PPEF1: variants seen among roughly 807,000 people sequenced by gnomAD.
PPEF1 encodes the protein serine/threonine-protein phosphatase with EF-hands 1.
In PPEF1, 12 loss-of-function variants were observed where a neutral mutation model predicts 53.3. The observed-to-expected ratio is 0.23, with a 90% CI of 0.14 to 0.36. The LOEUF is 0.36. PPEF1 is among the 10% of genes least tolerant of loss of function. The pLI, the probability that PPEF1 is intolerant of heterozygous loss-of-function variation, is 1.00. For missense variants in PPEF1, 334 were observed against 490.4 expected (o/e 0.68, Z 3.01); for synonymous variants, 165 against 176.7 (o/e 0.93, Z 0.52).
intron 3 of PPEF1, among the ~76,000 whole-genome samples, chrX:18,736,084 T>C (rs990116420): frequency 2.0e-4 from 22 of 111,480 alleles, no homozygotes; most frequent in African/African-American, 7.2e-4. Context: ...ACAGGGACAA[T>C]TTGACTTCCT....
chrX:18,778,914 C>CT, intron 6 of PPEF1, 96 bp from the exon 7 acceptor site: 2 of 880,860 alleles, frequency 2.3e-6, no homozygotes, highest in Admixed American at 6.4e-5. Context: ...GACTCAGCCT[C>CT]TTTTTTCCAT....
chrX:18,739,318 G>A (rs1569252777), intron 3 of PPEF1, among the ~76,000 whole-genome samples: 2 of 112,320 alleles, frequency 1.8e-5, no homozygotes, highest in African/African-American at 6.5e-5. Flanking sequence ...GTTTTGGTGT[G>A]GATGTCCTTT....
chrX:18,778,094 A>G (rs1186372010), intron 6 of PPEF1, among the ~76,000 whole-genome samples: 1 of 110,885 alleles, frequency 9.0e-6, no homozygotes, highest in Non-Finnish European at 1.9e-5. Context: ...TGAGTAGTTA[A>G]ATTTGTCTCT....
intron 5 of PPEF1, among the ~76,000 whole-genome samples, 199 bp from the exon 6 acceptor site, chrX:18,761,331 A>G (rs2045660158): frequency 8.9e-6 from 1 of 111,780 alleles, no homozygotes; most frequent in Admixed American, 9.5e-5. Flanking sequence ...AAGGTAATTG[A>G]AGCACTAGAT....
Position 18,765,965 on chromosome X carries a change from C to T in PPEF1, c.558+4389C>T, listed in dbSNP as rs149041127. On this transcript the variant is annotated intron_variant, in intron 6 of 15. Coordinates refer to ENST00000470157, the MANE Select transcript of PPEF1 (RefSeq NM_001377996.1). Reference sequence around the variant, plus strand: ...CTGTAGTCCCAGCTACTCAGGAGGCCGAGGCAGGAGAATCGCTTGAACCCG... The same window carrying T: ...CTGTAGTCCCAGCTACTCAGGAGGCTGAGGCAGGAGAATCGCTTGAACCCG... Among the ~76,000 whole-genome samples, 483 of 103,738 alleles carry T rather than the reference C, an allele frequency of 4.7e-3. 4 individuals carry two copies. Among genetic ancestry groups the T allele is most frequent in the African/African-American group, 0.016 (459 of 28,136 alleles). The allele number at this position is 103,738 out of a possible 115,157, so 90.1% of individuals were successfully genotyped here. A position where few individuals can be genotyped will look rare whatever the true frequency, so the allele number is the denominator to read the frequency against.
upstream of PPEF1, among the ~76,000 whole-genome samples, chrX:18,681,569 C>T (rs1028426385): frequency 4.5e-5 from 5 of 111,706 alleles, no homozygotes; most frequent in South Asian, 7.5e-4. Flanking sequence ...TGGACTTGAA[C>T]GTGAGATGAT....
chrX:18,824,485 C>T (rs1206811328), intron 14 of PPEF1, among the ~76,000 whole-genome samples: 1 of 110,911 alleles, frequency 9.0e-6, no homozygotes, highest in East Asian at 2.9e-4. Flanking sequence ...GATGGAGTGG[C>T]AGTCTTAGGA....
At chrX:18,741,324 C>T (rs76677247) in intron 3 of PPEF1, among the ~76,000 whole-genome samples, 2,627 of 112,163 alleles carry the variant, frequency 0.023, 56 homozygotes, top group South Asian at 0.15. Flanking sequence ...GAATCACTTA[C>T]GGAGTTTCAG....
upstream of PPEF1, among the ~76,000 whole-genome samples, chrX:18,675,561 G>A: frequency 8.9e-6 from 1 of 112,869 alleles, no homozygotes; most frequent in East Asian, 2.8e-4. Flanking sequence ...GGGTGCAAAT[G>A]CCAGGGCTTC....
At chrX:18,790,357 A>G in intron 10 of PPEF1, among the ~76,000 whole-genome samples, 1 of 112,096 alleles carries the variant, frequency 8.9e-6, no homozygotes, top group Middle Eastern at 4.7e-3. Context: ...CAAATCCTTT[A>G]TCAGGTATAT....
chrX:18,778,189 A>G (rs888974172), intron 6 of PPEF1, among the ~76,000 whole-genome samples: 2 of 111,656 alleles, frequency 1.8e-5, no homozygotes, highest in African/African-American at 6.5e-5. Flanking sequence ...TCCCTATCAA[A>G]CATGACATCG....
intron 13 of PPEF1, among the ~76,000 whole-genome samples, chrX:18,821,494 G>A (rs1395183603): frequency 3.6e-5 from 4 of 110,707 alleles, no homozygotes; most frequent in African/African-American, 6.6e-5. Context: ...TGCAACCTCC[G>A]CCTACCAGGT....
chrX:18,819,166 A>G (rs1327537318), intron 13 of PPEF1, among the ~76,000 whole-genome samples: 2 of 112,039 alleles, frequency 1.8e-5, no homozygotes, highest in Non-Finnish European at 3.8e-5. Flanking sequence ...ACAAACTACC[A>G]TGAGTGAGAG....
chrX:18,749,940 C>T lies in PPEF1; in HGVS notation c.384C>T (p.Phe128=), dbSNP rs1358177822. 1 of 1,202,067 alleles carries T rather than the reference C, an allele frequency of 8.3e-7. No homozygotes were observed. Among genetic ancestry groups the T allele is most frequent in the Admixed American group, 2.2e-5 (1 of 45,870 alleles). The part of the protein sequence containing the change: ...CTDIDLLLEA[F]KEQQILHAHY... ...ATATTGATTTACTTCTTGAGGCCTT[C>T]AAGGAACAACAGGTAAGTGGAAGCA... Residue 128 remains phenylalanine (F), a synonymous_variant, in exon 4 of 16, where the codon TTC becomes TTT. Coordinates refer to ENST00000470157, the MANE Select transcript of PPEF1 (RefSeq NM_001377996.1).
In PPEF1 at chrX:18,827,485, T is replaced by TAAAC. The variant is rs745683338; in HGVS notation, c.1962_*3dup. The TAAAC allele has an allele frequency of 3.3e-6, 4 of 1,202,683 alleles. No individual in the cohort carries two copies. In the South Asian group the frequency reaches 5.3e-5, roughly 16 times the overall value. On this transcript the variant is annotated frameshift_variant and stop_retained_variant, in exon 16 of 16. Coordinates refer to ENST00000470157, the MANE Select transcript of PPEF1 (RefSeq NM_001377996.1). LOFTEE classifies it high-confidence loss of function. ...GAAACCTGATGTCACCAACCTTGGC[T>TAAAC]AAACACAAATGAGAGCTTCCCTCAG...
intron 3 of PPEF1, among the ~76,000 whole-genome samples, chrX:18,740,085 G>T (rs945535879): frequency 1.1e-4 from 12 of 112,366 alleles, no homozygotes; most frequent in Non-Finnish European, 2.1e-4. Context: ...GCCCTTCCTG[G>T]GTGAGGCGAT....
chrX:18,688,955 A>G (rs972586567), intron 3 of PPEF1: 6 of 111,038 alleles, frequency 5.4e-5, no homozygotes, highest in African/African-American at 2.0e-4. Context: ...GTGGAGACCA[A>G]AGTTCTTATT....
intron 6 of PPEF1, among the ~76,000 whole-genome samples, chrX:18,765,609 AAAG>A (rs202216225): frequency 0.02 from 2,253 of 111,902 alleles, 55 homozygotes; most frequent in African/African-American, 0.069. Context: ...ATTTTTTAAA[AAAG>A]AAGAAAATAG....
intron 13 of PPEF1, among the ~76,000 whole-genome samples, chrX:18,821,755 T>G (rs2047052042): frequency 1.5e-5 from 1 of 67,597 alleles, no homozygotes. Flanking sequence ...GACGAAACCA[T>G]GGCGAGAGAG....
Sources: gnomAD v4.1 joint callset for allele counts (sites outside exome capture counted in the v4.1 genomes callset) on GRCh38, gnomAD v4.1.1 for gene constraint, MANE v1.5 for transcripts, NCBI Gene and HGNC (gene_info 2026-07-23, HGNC 2026-07-21) for gene names.